CERT1: variants seen among roughly 807,000 people sequenced by gnomAD.
The protein encoded by CERT1 is ceramide transporter 1.
Under a neutral mutation model 87.9 loss-of-function variants are expected in CERT1, and 31 were observed. That is an observed-to-expected ratio of 0.35 (90% confidence interval 0.27 to 0.48). CERT1 has a LOEUF of 0.48. CERT1 is among the 20% of genes least tolerant of loss of function. The pLI is 0.99. For synonymous variants in CERT1, 289 were observed against 250.9 expected (o/e 1.15, Z -1.44); for missense variants, 487 against 758.0 (o/e 0.64, Z 4.20).
chr5:75,419,597 G>C (rs1414336672), intron 5 of CERT1, among the ~76,000 whole-genome samples, 173 bp from the exon 6 acceptor site: 1 of 151,890 alleles, frequency 6.6e-6, no homozygotes, highest in African/African-American at 2.4e-5. Flanking sequence ...TACCTATCAA[G>C]GAACTTTTAA....
At position 75,459,133 on chromosome 5, in the gene CERT1, C is replaced by CACT; in HGVS notation, c.277_279dup (p.Ser93dup). On this transcript the variant is annotated inframe_insertion, in exon 3 of 17. Transcript: ENST00000643780. ...GGATCCTGAGCACGAAGATACCAAA[C>CACT]ACTATCATTTACACTAATATCAAAT... The CACT allele has an allele frequency of 6.2e-7, 1 of 1,613,166 alleles. No individual in the cohort carries two copies. The highest frequency in any genetic ancestry group is 8.5e-7 in the Non-Finnish European group (1 of 1,179,204).
At chr5:75,511,746 T>A (rs1467035032), upstream of CERT1, 4 of 1,549,426 alleles carry the variant, frequency 2.6e-6, no homozygotes, top group Non-Finnish European at 2.6e-6. Flanking sequence ...GGGATCCTCC[T>A]CCCGAACCCT....
intron 2 of CERT1, among the ~76,000 whole-genome samples, chr5:75,501,117 G>A (rs1428373131): frequency 2.0e-5 from 3 of 151,914 alleles, no homozygotes; most frequent in Non-Finnish European, 4.4e-5. Context: ...AAGAAGCTGA[G>A]ACTACAGATG....
At chr5:75,504,418 C>T (rs1319277284) in intron 2 of CERT1, among the ~76,000 whole-genome samples, 1 of 152,062 alleles carries the variant, frequency 6.6e-6, no homozygotes, top group East Asian at 1.9e-4. Context: ...CTGTGTTTCT[C>T]TAACTTGATA....
chr5:75,456,462 G>A (rs1303499048), intron 3 of CERT1, among the ~76,000 whole-genome samples: 7 of 151,682 alleles, frequency 4.6e-5, no homozygotes, highest in Non-Finnish European at 8.8e-5. Flanking sequence ...TGAGTTCAGG[G>A]GTTCAAGATC....
chr5:75,460,389 G>C (rs991654209), intron 2 of CERT1, among the ~76,000 whole-genome samples: 6 of 152,072 alleles, frequency 3.9e-5, no homozygotes, highest in East Asian at 1.9e-4. Flanking sequence ...TATTACATAA[G>C]ATCTACATGA....
intron 8 of CERT1, among the ~76,000 whole-genome samples, chr5:75,404,256 G>T (rs1361382430): frequency 6.8e-6 from 1 of 147,128 alleles, no homozygotes; most frequent in African/African-American, 2.6e-5. Context: ...CTTCTTTTAG[G>T]GTTATGAGGA....
chr5:75,390,819 C>A (rs111872210), intron 11 of CERT1, among the ~76,000 whole-genome samples: 1 of 152,096 alleles, frequency 6.6e-6, no homozygotes, highest in Non-Finnish European at 1.5e-5. Flanking sequence ...CCCCCCTACC[C>A]GCCAGAGACA....
At chr5:75,473,183 T>C (rs565486007) in intron 2 of CERT1, among the ~76,000 whole-genome samples, 50 of 152,240 alleles carry the variant, frequency 3.3e-4, no homozygotes, top group African/African-American at 1.2e-3. Context: ...TGGGGTGAAG[T>C]GATCCTCCTG....
chr5:75,418,116 A>G (rs1763219767), intron 6 of CERT1, among the ~76,000 whole-genome samples: 1 of 152,220 alleles, frequency 6.6e-6, no homozygotes, highest in African/African-American at 2.4e-5. Context: ...AGATCACCAC[A>G]CTGCACTCCA....
intron 5 of CERT1, among the ~76,000 whole-genome samples, chr5:75,425,067 AT>A (rs1482607235): frequency 6.6e-6 from 1 of 151,934 alleles, no homozygotes. Flanking sequence ...GCAGTGAGCT[AT>A]GATCGCGCCA....
rs1043091060 is a variant in CERT1, at chr5:75,511,100, G to C, written c.96+12C>G. 5.1e-5 allele frequency: 79 copies of C among 1,540,350 alleles called. No homozygotes were observed. In the East Asian group the frequency reaches 1.8e-3, roughly 34 times the overall value. ...TCTGGCCAGGGGTCCCTTGGCACCA[G>C]GGGTTGCTCACCTTACTGAGGACCC... On this transcript the variant is annotated intron_variant, in intron 1 of 16. Coordinates refer to ENST00000643780, the MANE Select transcript of CERT1 (RefSeq NM_001379029.1).
chr5:75,462,990 C>CA (rs1174306526), intron 2 of CERT1, among the ~76,000 whole-genome samples: 2,378 of 38,194 alleles, frequency 0.062, 174 homozygotes, highest in African/African-American at 0.12. Flanking sequence ...GACTCCGTCT[C>CA]AAAAAAAAAA....
At chr5:75,409,690 C>T (rs1580730756) in intron 8 of CERT1, among the ~76,000 whole-genome samples, 4 of 152,050 alleles carry the variant, frequency 2.6e-5, no homozygotes, top group Admixed American at 1.3e-4. Context: ...CCACGCCCGG[C>T]TAATTTTTGC....
chr5:75,425,446 G>C lies in CERT1; in HGVS notation c.510C>G (p.Ile170Met). Residue 170 changes from isoleucine (I) to methionine (M), a missense_variant, in exon 5 of 17, where the codon ATC (isoleucine) becomes ATG (methionine). Ile to Met is a conservative substitution (Grantham distance 10). This residue lies in a region of CERT1 where 173 missense variants were observed against 302.2 expected (regional missense o/e 0.57). Coordinates refer to ENST00000643780, the MANE Select transcript of CERT1 (RefSeq NM_001379029.1). ...GTAGCGTGTCAACTTGTCTACATAAGATGTCTCTAAATGTTTCCATTTCAG... is the reference window on the plus strand; with the variant it reads ...GTAGCGTGTCAACTTGTCTACATAACATGTCTCTAAATGTTTCCATTTCAG... Reference protein sequence around the residue: ...KLAEMETFRDILCRQVDTLQK... With the variant: ...KLAEMETFRDMLCRQVDTLQK... The C allele has an allele frequency of 6.2e-7, 1 of 1,614,016 alleles. No individual in the cohort carries two copies.
chr5:75,434,800 A>G (rs1764020921), intron 3 of CERT1, among the ~76,000 whole-genome samples: 1 of 151,916 alleles, frequency 6.6e-6, no homozygotes, highest in Non-Finnish European at 1.5e-5. Context: ...TTAATCTCTG[A>G]GGGTTTTTTG....
At chr5:75,452,522 T>G (rs1405315401) in intron 3 of CERT1, among the ~76,000 whole-genome samples, 1 of 152,142 alleles carries the variant, frequency 6.6e-6, no homozygotes, top group Non-Finnish European at 1.5e-5. Context: ...ATTTTTTTCA[T>G]AGTAAGCAGA....
chr5:75,426,673 CCTA>C (rs1218836636), intron 3 of CERT1, among the ~76,000 whole-genome samples, 195 bp from the exon 4 acceptor site: 1 of 152,128 alleles, frequency 6.6e-6, no homozygotes, highest in Non-Finnish European at 1.5e-5. Flanking sequence ...TTATTGAATA[CCTA>C]CTATGTGCTG....
At chr5:75,431,116 A>G (rs937953414) in intron 3 of CERT1, among the ~76,000 whole-genome samples, 3 of 152,186 alleles carry the variant, frequency 2.0e-5, no homozygotes, top group African/African-American at 7.2e-5. Context: ...TTACATGGGT[A>G]AATTGCATGC....
Sources: gnomAD v4.1 joint callset for allele counts (sites outside exome capture counted in the v4.1 genomes callset) on GRCh38, gnomAD v4.1.1 for gene constraint, gnomAD v4.1.1 regional missense constraint, MANE v1.5 for transcripts, NCBI Gene and HGNC (gene_info 2026-07-23, HGNC 2026-07-21) for gene names.